Variants in TMEM63C observed in about 807,000 individuals in gnomAD.
TMEM63C encodes the protein transmembrane protein 63C.
Under a neutral mutation model 99.2 loss-of-function variants are expected in TMEM63C, and 32 were observed. That is an observed-to-expected ratio of 0.32 (90% CI 0.24 to 0.43). The LOEUF is 0.43. TMEM63C is among the 20% of genes least tolerant of loss of function. TMEM63C has a pLI of 1.00. For synonymous variants in TMEM63C, 376 were observed against 397.9 expected (o/e 0.94, Z 0.66); for missense variants, 826 against 1,053.0 (o/e 0.78, Z 2.98).
intron 22 of TMEM63C, among the ~76,000 whole-genome samples, 187 bp downstream of exon 22, chr14:77,252,085 G>A (rs114931759): frequency 6.2e-5 from 9 of 145,734 alleles, no homozygotes; most frequent in South Asian, 2.1e-4. Context: ...GCGTGCATGC[G>A]TGCATGCCTT....
intron 1 of TMEM63C, among the ~76,000 whole-genome samples, chr14:77,199,806 T>C (rs1352540311): frequency 6.6e-6 from 1 of 152,182 alleles, no homozygotes; most frequent in Non-Finnish European, 1.5e-5. Context: ...ACTGGCTGAA[T>C]TGTGTCCCTG....
At chr14:77,198,675 T>C (rs1219208749) in intron 1 of TMEM63C, among the ~76,000 whole-genome samples, 1 of 152,188 alleles carries the variant, frequency 6.6e-6, no homozygotes, top group African/African-American at 2.4e-5. Flanking sequence ...TGGCCTCCGC[T>C]CTGAGATACA....
rs1471807417 is a variant in TMEM63C, at chr14:77,194,368, GTGTGTGTGTGTGTGTA to G, written c.-77+12478_-77+12493del. 7.2e-3 allele frequency among the ~76,000 whole-genome samples: 971 copies of G among 135,320 alleles called. 22 individuals carry two copies. Among genetic ancestry groups the G allele is most frequent in the Admixed American group, 0.055 (772 of 14,032 alleles). 88.8% of individuals were successfully genotyped at this position (135,320 alleles called of 152,430 possible). ...TGTGTGTGTGTGTGTGTGTGTGTGT[GTGTGTGTGTGTGTGTA>G]TGTTCATATTTCTGAAAAAAATTCT... On this transcript the variant is annotated intron_variant, in intron 1 of 23. Transcript: ENST00000298351.
At chr14:77,239,364 C>T in intron 10 of TMEM63C, 48 bp from the exon 11 acceptor site, 1 of 1,598,626 alleles carries the variant, frequency 6.3e-7, no homozygotes, top group Middle Eastern at 1.7e-4. Context: ...AGGGGCAGCA[C>T]ATCCCCAACC....
At chr14:77,229,006 T>C (rs536335619) in intron 6 of TMEM63C, among the ~76,000 whole-genome samples, 38 of 152,162 alleles carry the variant, frequency 2.5e-4, no homozygotes, top group Non-Finnish European at 5.0e-4. Context: ...CTGTCACCAT[T>C]ACGTAAAACC....
At chr14:77,254,949 T>TA (rs1374611833) in intron 23 of TMEM63C, among the ~76,000 whole-genome samples, 2 of 152,190 alleles carry the variant, frequency 1.3e-5, no homozygotes. Flanking sequence ...ATTTACATAG[T>TA]TTTGCTAAAA....
Position 77,248,886 on chromosome 14 carries a change from A to G in TMEM63C, c.1870+14A>G, listed in dbSNP as rs1226147352. 6.2e-7 allele frequency: 1 copy of G among 1,606,742 alleles called. No individual in the cohort carries two copies. The highest frequency in any genetic ancestry group is 1.7e-5 in the Admixed American group (1 of 60,006). ...TTGTGCCTTTTGGTGAGTCATCTCC[A>G]AGGCATGCCCAAGGGCTGCACATCC... is the stretch of plus-strand genomic sequence containing the variant. On this transcript the variant is annotated intron_variant, in intron 20 of 23. Coordinates refer to ENST00000298351, the MANE Select transcript of TMEM63C (RefSeq NM_020431.4).
chr14:77,253,484 G>A, intron 23 of TMEM63C, 108 bp downstream of exon 23: 1 of 1,138,040 alleles, frequency 8.8e-7, no homozygotes, highest in Non-Finnish European at 1.3e-6. Flanking sequence ...CTGGGTATGG[G>A]GAAGGAGATG....
At chr14:77,182,313 G>A (rs1269444915) in intron 1 of TMEM63C, among the ~76,000 whole-genome samples, 1 of 152,130 alleles carries the variant, frequency 6.6e-6, no homozygotes, top group Admixed American at 6.5e-5. Flanking sequence ...GGGACGGGAG[G>A]GGGCAGTCTG....
chr14:77,210,640 G>T (rs936368342), intron 1 of TMEM63C, among the ~76,000 whole-genome samples: 1 of 152,096 alleles, frequency 6.6e-6, no homozygotes, highest in African/African-American at 2.4e-5. Context: ...GGGTCCCTCC[G>T]TGAGAAGGGG....
At chr14:77,242,881 T>C in intron 14 of TMEM63C, 22 bp from the exon 15 acceptor site, 1 of 1,613,946 alleles carries the variant, frequency 6.2e-7, no homozygotes, top group Non-Finnish European at 8.5e-7. Context: ...TAAATGTGCC[T>C]CCTTCTTCCA....
chr14:77,190,795 T>C (rs185668341), intron 1 of TMEM63C, among the ~76,000 whole-genome samples: 167 of 152,338 alleles, frequency 1.1e-3, no homozygotes, highest in African/African-American at 3.9e-3. Context: ...TGTATGCCTA[T>C]GTGTGCTTGT....
chr14:77,204,974 G>A (rs1353964888), intron 1 of TMEM63C, among the ~76,000 whole-genome samples: 1 of 152,216 alleles, frequency 6.6e-6, no homozygotes, highest in Non-Finnish European at 1.5e-5. Context: ...GATGCTCAGA[G>A]GCACAGGACT....
At position 77,240,540 on chromosome 14, in the gene TMEM63C, C is replaced by G; in HGVS notation, c.996C>G (p.Leu332=). ...TAACGGACGAGTTCAACGCCGAGCT[C>G]AACCGCGTGCCGCTCAAGCGGCTGG... ...EQLTDEFNAE[L]NRVPLKRLDL... Residue 332 remains leucine, a synonymous_variant, in exon 13 of 24, where the codon CTC becomes CTG. Coordinates refer to ENST00000298351, the MANE Select transcript of TMEM63C (RefSeq NM_020431.4). 1 of 1,612,068 alleles carries G rather than the reference C, an allele frequency of 6.2e-7. No homozygotes were observed. The highest frequency in any genetic ancestry group is 1.6e-4 in the Middle Eastern group (1 of 6,062).
At chr14:77,242,818 G>A in intron 14 of TMEM63C, 85 bp from the exon 15 acceptor site, 1 of 1,528,522 alleles carries the variant, frequency 6.5e-7, no homozygotes, top group Non-Finnish European at 9.0e-7. Flanking sequence ...GGCAGGCTGG[G>A]TCCACAGCTG....
chr14:77,218,240 A>AGGGGGGGG (rs374116600), intron 2 of TMEM63C, among the ~76,000 whole-genome samples: 1 of 138,388 alleles, frequency 7.2e-6, no homozygotes, highest in Admixed American at 7.4e-5. Flanking sequence ...TAAAAAAAAA[A>AGGGGGGGG]GAGGGGGGTG....
chr14:77,242,808 G>A (rs1013044857), intron 14 of TMEM63C, 95 bp from the exon 15 acceptor site: 1 of 1,455,232 alleles, frequency 6.9e-7, no homozygotes, highest in Non-Finnish European at 9.6e-7. Flanking sequence ...ATTAGACCAG[G>A]GCAGGCTGGG....
At chr14:77,221,850 C>T (rs455156) in intron 5 of TMEM63C, among the ~76,000 whole-genome samples, 104,827 of 151,056 alleles carry the variant, frequency 0.69, 37,893 homozygotes, top group Non-Finnish European at 0.79. Flanking sequence ...CCCTGTAGAC[C>T]GTCTTTCTCT....
At chr14:77,198,430 A>G (rs1293205803) in intron 1 of TMEM63C, among the ~76,000 whole-genome samples, 3 of 152,220 alleles carry the variant, frequency 2.0e-5, no homozygotes, top group South Asian at 2.1e-4. Context: ...GGCCACATCA[A>G]TGAACTTCTG....
Sources: gnomAD v4.1 joint callset for allele counts (sites outside exome capture counted in the v4.1 genomes callset) on GRCh38, gnomAD v4.1.1 for gene constraint, MANE v1.5 for transcripts, NCBI Gene and HGNC (gene_info 2026-07-23, HGNC 2026-07-21) for gene names.